CTNND2: variants seen among roughly 807,000 people sequenced by gnomAD.
CTNND2 encodes catenin delta 2, also known as catenin delta-2.
In CTNND2, 22 loss-of-function variants were observed where a neutral mutation model predicts 144.4. The observed-to-expected ratio is 0.15, with a 90% CI of 0.11 to 0.22. The LOEUF (loss-of-function observed/expected upper bound fraction) is 0.22, where lower values mean the gene tolerates loss of function less well. Ranked by LOEUF, CTNND2 falls within the 10% of genes least tolerant of loss-of-function variation. The probability of loss-of-function intolerance (pLI) is 1.00; values close to 1 mark genes in which losing one functional copy is unlikely to be tolerated. For missense variants in CTNND2, 1,353 were observed against 1,618.8 expected, an observed-to-expected ratio of 0.84 and a Z score of 2.82; for synonymous variants, 751 against 695.6, an observed-to-expected ratio of 1.08 and a Z score of -1.25.
At chr5:11,251,999 T>C (rs987670957) in intron 9 of CTNND2, among the ~76,000 whole-genome samples, 4 of 152,236 alleles carry the variant, frequency 2.6e-5, no homozygotes, top group African/African-American at 7.2e-5. Context: ...AATTGCTTTA[T>C]CTTTTTTTAC....
intron 3 of CTNND2, among the ~76,000 whole-genome samples, chr5:11,489,936 T>C (rs1017147882): frequency 1.3e-5 from 2 of 152,202 alleles, no homozygotes; most frequent in African/African-American, 4.8e-5. Context: ...CCACCTGCTC[T>C]AGTAATGGCT....
chr5:11,520,751 C>A (rs541907974), intron 3 of CTNND2, among the ~76,000 whole-genome samples: 1 of 152,332 alleles, frequency 6.6e-6, no homozygotes, highest in East Asian at 1.9e-4. Flanking sequence ...CTTTCCCCAG[C>A]CAGATGGGCA....
At chr5:11,811,597 TGGA>T (rs1792338493) in intron 1 of CTNND2, among the ~76,000 whole-genome samples, 1 of 152,220 alleles carries the variant, frequency 6.6e-6, no homozygotes, top group Non-Finnish European at 1.5e-5. Context: ...CAGGGTCCAA[TGGA>T]TGCCCTAGTT....
intron 15 of CTNND2, among the ~76,000 whole-genome samples, chr5:11,093,818 C>G (rs1580265753): frequency 6.6e-6 from 1 of 152,068 alleles, no homozygotes; most frequent in Admixed American, 6.6e-5. Flanking sequence ...TTTAATAATT[C>G]AATACTTTTT....
intron 21 of CTNND2, among the ~76,000 whole-genome samples, chr5:10,978,527 C>A (rs61752680): frequency 6.6e-6 from 1 of 151,974 alleles, no homozygotes; most frequent in Non-Finnish European, 1.5e-5. Context: ...CTTTGGTGGA[C>A]GTTTAAAAAT....
At chr5:11,800,661 G>T (rs1014927609) in intron 1 of CTNND2, among the ~76,000 whole-genome samples, 1 of 152,042 alleles carries the variant, frequency 6.6e-6, no homozygotes, top group East Asian at 1.9e-4. Flanking sequence ...CTCTTCCACA[G>T]CATATAAACT....
At chr5:11,483,319 C>T (rs1005084397) in intron 3 of CTNND2, among the ~76,000 whole-genome samples, 9 of 152,036 alleles carry the variant, frequency 5.9e-5, no homozygotes, top group African/African-American at 2.2e-4. Context: ...AGTGGATTGG[C>T]GGTGGGTGAG....
chr5:11,262,981 C>G (rs898066379), intron 9 of CTNND2, among the ~76,000 whole-genome samples: 1 of 151,964 alleles, frequency 6.6e-6, no homozygotes, highest in South Asian at 2.1e-4. Context: ...TGCTCTAGAA[C>G]GAATTTCCGA....
At chr5:11,046,354 G>A (rs1456329076) in intron 16 of CTNND2, among the ~76,000 whole-genome samples, 1 of 152,176 alleles carries the variant, frequency 6.6e-6, no homozygotes, top group African/African-American at 2.4e-5. Flanking sequence ...TCTATTGACA[G>A]CAAATCAGCA....
chr5:11,828,771 T>A (rs1268836292), intron 1 of CTNND2, among the ~76,000 whole-genome samples: 1 of 151,802 alleles, frequency 6.6e-6, no homozygotes, highest in African/African-American at 2.4e-5. Flanking sequence ...AGGAGTGGGG[T>A]GCTGTGAAAA....
At chr5:11,212,359 G>C (rs1738726048) in intron 10 of CTNND2, among the ~76,000 whole-genome samples, 1 of 152,182 alleles carries the variant, frequency 6.6e-6, no homozygotes, top group South Asian at 2.1e-4. Flanking sequence ...AATACCAGCT[G>C]AACTGACTTC....
chr5:11,858,443 G>A (rs11741312), intron 1 of CTNND2, among the ~76,000 whole-genome samples: 100,947 of 152,024 alleles, frequency 0.66, 33,816 homozygotes, highest in East Asian at 0.79. Context: ...TGCTGCAAAT[G>A]TAAGGTTATA....
intron 3 of CTNND2, among the ~76,000 whole-genome samples, chr5:11,482,992 G>GA (rs1768432666): frequency 6.6e-6 from 1 of 152,034 alleles, no homozygotes. Flanking sequence ...CTCTGAGATT[G>GA]AAAACCACAG....
At chr5:11,061,334 T>C (rs1203854710) in intron 16 of CTNND2, among the ~76,000 whole-genome samples, 2 of 152,158 alleles carry the variant, frequency 1.3e-5, no homozygotes, top group Non-Finnish European at 2.9e-5. Flanking sequence ...GAGAGGACTT[T>C]TAGTAATAAA....
intron 2 of CTNND2, among the ~76,000 whole-genome samples, chr5:11,695,292 C>T (rs1291204611): frequency 6.6e-6 from 1 of 152,100 alleles, no homozygotes; most frequent in African/African-American, 2.4e-5. Context: ...AGCAACTGGC[C>T]TGAGAGGAAA....
In CTNND2 at chr5:11,170,869, C is replaced by T. The variant is rs147552513; in HGVS notation, c.1976-11110G>A. On this transcript the variant is annotated intron_variant, in intron 11 of 21. Coordinates refer to ENST00000304623, the MANE Select transcript of CTNND2 (RefSeq NM_001332.4). ...GAGGCCTCACAACCATGGGAGAAGA[C>T]GAAGGAGGAGCAAAGGGTCGTATAA... 4.9e-3 allele frequency among the ~76,000 whole-genome samples: 747 copies of T among 152,190 alleles called. 4 individuals are homozygous for T. Among genetic ancestry groups the T allele is most frequent in the Non-Finnish European group, 7.4e-3 (503 of 68,012 alleles).
Position 11,879,188 on chromosome 5 carries a change from T to C in CTNND2, c.37+24629A>G, listed in dbSNP as rs546079529. 2.0e-5 allele frequency among the ~76,000 whole-genome samples: 3 copies of C among 151,792 alleles called. No individual in the cohort carries two copies. The East Asian group carries it at 5.8e-4, about 29-fold the overall frequency. On this transcript the variant is annotated intron_variant, in intron 1 of 21. Coordinates refer to ENST00000304623, the MANE Select transcript of CTNND2 (RefSeq NM_001332.4). ...ATGAAAGGAGAGGAAGGTGGAGGGA[T>C]GACAGAGCAGCAGAGCTGTGGGGCA...
At chr5:11,428,111 C>CCCTG (rs370045525) in intron 3 of CTNND2, among the ~76,000 whole-genome samples, 22 of 152,244 alleles carry the variant, frequency 1.4e-4, no homozygotes, top group African/African-American at 4.8e-4. Flanking sequence ...AATTACCTTC[C>CCCTG]CCTGGGTCCC....
chr5:11,147,540 G>A (rs1297868723), intron 12 of CTNND2, among the ~76,000 whole-genome samples: 1 of 152,158 alleles, frequency 6.6e-6, no homozygotes, highest in East Asian at 1.9e-4. Flanking sequence ...ACACAGCTGA[G>A]ACGGGCTGAT....
Sources: allele counts gnomAD v4.1 joint callset (sites outside exome capture counted in the v4.1 genomes callset), GRCh38; gene constraint gnomAD v4.1.1; transcripts MANE v1.5; gene names NCBI Gene and HGNC (gene_info 2026-07-23, HGNC 2026-07-21).